Variants in ATP11A observed in about 807,000 individuals in gnomAD.
ATP11A encodes phospholipid-transporting ATPase IH.
A neutral mutation model predicts 154.4 loss-of-function variants in ATP11A; 81 were observed. The observed-to-expected ratio is 0.52, with a 90% confidence interval of 0.44 to 0.63. The LOEUF (loss-of-function observed/expected upper bound fraction) is 0.63, where lower values mean the gene tolerates loss of function less well. ATP11A is among the 30% of genes least tolerant of loss of function. The pLI is 0.00. For missense variants in ATP11A, 1,316 were observed against 1,474.3 expected (o/e 0.89, Z 1.76); for synonymous variants, 623 against 585.9 (o/e 1.06, Z -0.91).
intron 12 of ATP11A, among the ~76,000 whole-genome samples, chr13:112,829,966 T>C (rs1422853613): frequency 6.6e-6 from 1 of 152,218 alleles, no homozygotes; most frequent in Non-Finnish European, 1.5e-5. Flanking sequence ...AACAATCTTA[T>C]CTCTGCGTCC....
intron 1 of ATP11A, among the ~76,000 whole-genome samples, chr13:112,749,580 C>T (rs750214243): frequency 2.2e-4 from 33 of 152,164 alleles, no homozygotes; most frequent in Non-Finnish European, 2.6e-4. Flanking sequence ...AGTACTGAAC[C>T]TAGATATTAA....
intron 1 of ATP11A, among the ~76,000 whole-genome samples, chr13:112,691,601 C>T (rs541505507): frequency 6.6e-6 from 1 of 151,872 alleles, no homozygotes; most frequent in South Asian, 2.1e-4. Context: ...GGTCACTGGT[C>T]AATCACAGGT....
At chr13:112,791,241 T>C (rs1228628741) in intron 2 of ATP11A, among the ~76,000 whole-genome samples, 4 of 152,224 alleles carry the variant, frequency 2.6e-5, no homozygotes, top group Non-Finnish European at 4.4e-5. Context: ...TGTGGACTTG[T>C]AGGGCAGGAT....
At chr13:112,854,143 A>C in intron 18 of ATP11A, 136 bp from the exon 19 acceptor site, 1 of 1,178,514 alleles carries the variant, frequency 8.5e-7, no homozygotes, top group Non-Finnish European at 1.2e-6. Context: ...TGAGATCATG[A>C]GCCACAGTGT....
At chr13:112,758,303 C>A (rs1458873995) in intron 1 of ATP11A, among the ~76,000 whole-genome samples, 2 of 152,052 alleles carry the variant, frequency 1.3e-5, no homozygotes, top group Admixed American at 6.5e-5. Context: ...CTCAGGTGAT[C>A]CACCCACCCC....
rs549741632 is a variant in ATP11A at position 112,868,226 on chromosome 13, G to T, written c.2992-3509G>T. 4.6e-5 allele frequency among the ~76,000 whole-genome samples: 7 copies of T among 152,340 alleles called. No homozygotes were observed. In the South Asian group the frequency reaches 8.3e-4, roughly 18 times the overall value. On this transcript the variant is annotated intron_variant, in intron 25 of 29. Transcript: ENST00000375645. Reference sequence around the variant, plus strand: ...AGAGCAGCTGAAACACGAGCGGTCCGCGTATGGGCCAGGTGGGAGGCAGAG... The same window carrying T: ...AGAGCAGCTGAAACACGAGCGGTCCTCGTATGGGCCAGGTGGGAGGCAGAG...
At chr13:112,818,244 T>C (rs1202485624) in intron 6 of ATP11A, among the ~76,000 whole-genome samples, 2 of 149,724 alleles carry the variant, frequency 1.3e-5, no homozygotes, top group African/African-American at 4.9e-5. Flanking sequence ...CGGTGACCGT[T>C]GGTGCGCTTG....
intron 1 of ATP11A, among the ~76,000 whole-genome samples, chr13:112,719,204 CAG>C (rs1439349861): frequency 2.0e-5 from 3 of 151,680 alleles, no homozygotes; most frequent in East Asian, 3.9e-4. Flanking sequence ...GGTGAATAGT[CAG>C]GGGCCCTCAG....
At chr13:112,854,249 C>T (rs1335223652) in intron 18 of ATP11A, 30 bp from the exon 19 acceptor site, 1 of 1,610,140 alleles carries the variant, frequency 6.2e-7, no homozygotes, top group Admixed American at 1.7e-5. Flanking sequence ...TGACTTTTCT[C>T]TATGCTGTGT....
At chr13:112,853,634 G>A (rs1045448023) in intron 18 of ATP11A, among the ~76,000 whole-genome samples, 10 of 152,158 alleles carry the variant, frequency 6.6e-5, no homozygotes, top group African/African-American at 2.4e-4. Flanking sequence ...GCAGGCTTTG[G>A]GTTTTCCATA....
chr13:112,823,288 C>T (rs2078847721), intron 8 of ATP11A, 57 bp from the exon 9 acceptor site: 4 of 1,408,482 alleles, frequency 2.8e-6, no homozygotes, highest in East Asian at 2.3e-5. Context: ...CTCTTGCCCC[C>T]CGCCCTGCCC....
At chr13:112,844,751 C>T (rs894193490) in intron 17 of ATP11A, among the ~76,000 whole-genome samples, 6 of 111,416 alleles carry the variant, frequency 5.4e-5, no homozygotes, top group African/African-American at 2.1e-4. Flanking sequence ...CGGTACTAGT[C>T]CAAGTGCCGG....
At chr13:112,813,025 G>A (rs2078545811) in intron 5 of ATP11A, among the ~76,000 whole-genome samples, 1 of 152,190 alleles carries the variant, frequency 6.6e-6, no homozygotes, top group African/African-American at 2.4e-5. Context: ...TCGGTCTTCT[G>A]TGGGAAATGC....
intron 1 of ATP11A, among the ~76,000 whole-genome samples, chr13:112,743,967 T>G (rs1280743983): frequency 6.6e-6 from 1 of 152,238 alleles, no homozygotes; most frequent in Non-Finnish European, 1.5e-5. Context: ...ACAGTGCAAG[T>G]TACAGGTTAA....
rs1416416280 is a variant in ATP11A, at chr13:112,842,349, G to T, written c.1779G>T (p.Gln593His). The T allele has an allele frequency of 3.1e-6, 5 of 1,610,398 alleles. No individual in the cohort carries two copies. Among genetic ancestry groups the T allele is most frequent in the South Asian group, 1.1e-5 (1 of 90,104 alleles). ...GAGTGATAGAAGGCAAAGTTGACCA[G>T]ATCCGAGCCAGAGTGGAGCGTAACG... ...FPRVIEGKVD[Q>H]IRARVERNAV... The change falls in exon 17 of 30, where the codon CAG becomes CAT. Residue 593 changes from glutamine to histidine, a missense_variant. This residue lies in a region of ATP11A where 876 missense variants were observed against 1,006.8 expected (regional missense o/e 0.87). Transcript: ENST00000375645.
intron 16 of ATP11A, among the ~76,000 whole-genome samples, chr13:112,837,547 G>A (rs1355469294): frequency 5.3e-5 from 8 of 152,160 alleles, no homozygotes; most frequent in African/African-American, 1.2e-4. Flanking sequence ...AGCCCTCCAC[G>A]CAGCGTCAGA....
At chr13:112,855,868 AT>A in intron 19 of ATP11A, 42 bp from the exon 20 acceptor site, 2 of 1,542,770 alleles carry the variant, frequency 1.3e-6, no homozygotes, top group Non-Finnish European at 1.8e-6. Flanking sequence ...AAATCTATAG[AT>A]TTAGTGATTG....
chr13:112,855,647 T>C (rs372749935), intron 19 of ATP11A, among the ~76,000 whole-genome samples: 1 of 152,202 alleles, frequency 6.6e-6, no homozygotes, highest in Non-Finnish European at 1.5e-5. Context: ...TCCTGTTGTT[T>C]CAAAAGTACA....
At chr13:112,808,858 T>C (rs2078404691) in intron 4 of ATP11A, among the ~76,000 whole-genome samples, 1 of 152,148 alleles carries the variant, frequency 6.6e-6, no homozygotes, top group Admixed American at 6.5e-5. Flanking sequence ...GCCCATCACA[T>C]GCATGGGCCT....
Sources: gnomAD v4.1 joint callset for allele counts (sites outside exome capture counted in the v4.1 genomes callset) on GRCh38, gnomAD v4.1.1 for gene constraint, gnomAD v4.1.1 regional missense constraint, MANE v1.5 for transcripts, NCBI Gene and HGNC (gene_info 2026-07-23, HGNC 2026-07-21) for gene names.